Variants in FAM217A observed in about 807,000 individuals in gnomAD.
The protein encoded by FAM217A is family with sequence similarity 217 member A.
FAM217A carries 13 observed loss-of-function variants against 18.5 expected under a neutral mutation model. That is an observed-to-expected ratio of 0.70 (90% CI 0.46 to 1.12). The LOEUF (loss-of-function observed/expected upper bound fraction) is 1.12, where lower values mean the gene tolerates loss of function less well. FAM217A is among the 50% of genes most tolerant of loss of function. FAM217A has a pLI of 0.00. For synonymous variants in FAM217A, 161 were observed against 202.8 expected (o/e 0.79, Z 1.75); for missense variants, 560 against 575.4 (o/e 0.97, Z 0.27).
At chr6:4,083,685 G>A (rs1008242299), upstream of FAM217A, among the ~76,000 whole-genome samples, 4 of 151,804 alleles carry the variant, frequency 2.6e-5, no homozygotes, top group Non-Finnish European at 4.4e-5. Context: ...CCAAGTTGCT[G>A]GGACTACAGG....
upstream of FAM217A, among the ~76,000 whole-genome samples, chr6:4,082,670 C>A (rs1770378010): frequency 6.6e-6 from 1 of 152,246 alleles, no homozygotes; most frequent in Admixed American, 6.5e-5. Flanking sequence ...TGGGTTCCCC[C>A]ACTCAGGCTG....
At position 4,085,311 on chromosome 6, in the gene FAM217A, A is replaced by AAT. The variant is rs10636236; in HGVS notation, c.19-503_19-502dup. Among the ~76,000 whole-genome samples, 125 of 146,438 alleles carry AAT rather than the reference A, an allele frequency of 8.5e-4. 1 individual carries two copies. Among genetic ancestry groups the AAT allele is most frequent in the Middle Eastern group, 3.6e-3 (1 of 276 alleles). The stretch of plus-strand genomic sequence containing the variant: ...AGAAGTGTTATTCATTGTAAAAAAA[A>AAT]ATATATATATATATATAAAATATGT... On this transcript the variant is annotated intron_variant, in intron 1 of 8. Transcript: ENST00000639338.
At chr6:4,075,790 C>CA (rs375715894) in intron 2 of FAM217A, among the ~76,000 whole-genome samples, 204 of 152,244 alleles carry the variant, frequency 1.3e-3, no homozygotes, top group African/African-American at 4.8e-3. Context: ...AAATAAGCTT[C>CA]AATACAGCAT....
chr6:4,073,361 T>C lies in FAM217A; in HGVS notation c.235-19A>G. Reference sequence around the variant, plus strand: ...TACTATTCTGATGACAGAAAAATAATGGGTAATAGTTTAGTAGCTGCATAT... The same window carrying C: ...TACTATTCTGATGACAGAAAAATAACGGGTAATAGTTTAGTAGCTGCATAT... On this transcript the variant is annotated intron_variant, in intron 5 of 6. Transcript: ENST00000274673. 1 of 1,597,864 alleles carries C rather than the reference T, an allele frequency of 6.3e-7. No individual in the cohort carries two copies. The highest frequency in any genetic ancestry group is 2.2e-5 in the East Asian group (1 of 44,580).
chr6:4,068,598 G>T lies in FAM217A; in HGVS notation c.*98C>A. ...AAGCAACTGTTTGGTGATTTTGGGG[G>T]ACTGTTAATAGTACCTGTGTCTTGG... On this transcript the variant is annotated 3_prime_UTR_variant, in exon 7 of 7. Coordinates refer to ENST00000274673, the MANE Select transcript of FAM217A (RefSeq NM_173563.3). 1 of 1,344,074 alleles carries T rather than the reference G, an allele frequency of 7.4e-7. No homozygotes were observed. The highest frequency in any genetic ancestry group is 1.0e-6 in the Non-Finnish European group (1 of 991,434). 83.3% of individuals were successfully genotyped at this position (1,344,074 alleles called of 1,614,324 possible).
intron 1 of FAM217A, among the ~76,000 whole-genome samples, chr6:4,085,254 A>G (rs2113899405): frequency 6.6e-6 from 1 of 151,736 alleles, no homozygotes; most frequent in South Asian, 2.1e-4. Context: ...TAATTACACT[A>G]TAATTAGAGA....
Position 4,069,244 on chromosome 6 carries a change from T to A in FAM217A, c.979A>T (p.Thr327Ser). ...VTERPSSSKA[T>S]PKVRQPKLCD... ...AGTTTTGGCTGTCTCACTTTTGGTG[T>A]AGCTTTGGAGGAAGAGGGTCGTTCA... Residue 327 changes from threonine (T) to serine (S), a missense_variant, in exon 7 of 7, where the codon ACA becomes TCA. Thr to Ser is a moderately conservative substitution (Grantham distance 58). Transcript: ENST00000274673. 1 of 1,614,166 alleles carries A rather than the reference T, an allele frequency of 6.2e-7. No homozygotes were observed.
chr6:4,086,495 A>G (rs917612658), intron 1 of FAM217A, among the ~76,000 whole-genome samples: 6 of 151,970 alleles, frequency 3.9e-5, no homozygotes, highest in African/African-American at 1.4e-4. Context: ...ATATATGCAT[A>G]TATGAATGGA....
intron 4 of FAM217A, 112 bp from the exon 5 acceptor site, chr6:4,073,619 A>G: frequency 1.3e-6 from 1 of 783,968 alleles, no homozygotes; most frequent in Non-Finnish European, 2.0e-6. Context: ...ACTGAATGAC[A>G]CTTTGTTTAT....
upstream of FAM217A, chr6:4,087,263 G>A (rs35304946): frequency 0.075 from 89,690 of 1,200,384 alleles, 3,961 homozygotes; most frequent in African/African-American, 0.18. Context: ...ATGTCCAGAC[G>A]CAAGACTGGA....
In FAM217A at chr6:4,073,342, T is replaced by C. The variant is rs750711612; in HGVS notation, c.235A>G (p.Asn79Asp). ...AATTGAAAGATCCCTTGTTTACTAT[T>C]CTGATGACAGAAAAATAATGGGTAA... ...LSVHSQKSTQ[N>D]SKQGIFQLWN... The change falls in exon 6 of 7, where the codon AAT (asparagine) becomes GAT (aspartate). Residue 79 changes from asparagine to aspartate, a missense_variant and splice_region_variant. Transcript: ENST00000274673. 20 of 1,607,894 alleles carry C rather than the reference T, an allele frequency of 1.2e-5. No homozygotes were observed. The highest frequency in any genetic ancestry group is 8.4e-5 in the Admixed American group (5 of 59,626).
At chr6:4,070,142 TC>T (rs1769307997) in intron 6 of FAM217A, among the ~76,000 whole-genome samples, 1 of 152,200 alleles carries the variant, frequency 6.6e-6, no homozygotes, top group Non-Finnish European at 1.5e-5. Context: ...TAACTGGGCA[TC>T]CCTTTGTGCA....
Position 4,073,312 on chromosome 6 carries a change from T to C in FAM217A, c.265A>G (p.Asn89Asp). 6.2e-7 allele frequency: 1 copy of C among 1,610,176 alleles called. No homozygotes were observed. Among genetic ancestry groups the C allele is most frequent in the South Asian group, 1.1e-5 (1 of 90,204 alleles). ...GTACTTCCTTCATTAAGAGGACAAT[T>C]CCATAATTGAAAGATCCCTTGTTTA... ...NSKQGIFQLW[N>D]CPLNEGSTIE... The change falls in exon 6 of 7, where the codon AAT (asparagine) becomes GAT (aspartate). Residue 89 changes from asparagine to aspartate, a missense_variant. Transcript: ENST00000274673.
chr6:4,080,081 C>A (rs145961819), upstream of FAM217A, among the ~76,000 whole-genome samples: 1 of 152,038 alleles, frequency 6.6e-6, no homozygotes, highest in East Asian at 1.9e-4. Context: ...CAAATGAATA[C>A]TAAACATTTG....
chr6:4,071,672 T>C (rs993439881), intron 6 of FAM217A, among the ~76,000 whole-genome samples: 2 of 152,214 alleles, frequency 1.3e-5, no homozygotes, highest in African/African-American at 4.8e-5. Flanking sequence ...TTTTCCCAGC[T>C]GAGGTTTTTT....
intron 2 of FAM217A, among the ~76,000 whole-genome samples, chr6:4,075,096 C>A (rs1427938541): frequency 6.6e-6 from 1 of 152,126 alleles, no homozygotes; most frequent in Non-Finnish European, 1.5e-5. Context: ...CTTTGGGAGG[C>A]CGGGGCAGGT....
upstream of FAM217A, among the ~76,000 whole-genome samples, chr6:4,082,038 A>T (rs972804566): frequency 1.3e-5 from 2 of 151,798 alleles, no homozygotes; most frequent in Admixed American, 1.3e-4. Context: ...TATCACCCCC[A>T]CTCAACTGGT....
upstream of FAM217A, chr6:4,087,207 C>G (rs1336884707): frequency 6.2e-6 from 5 of 803,112 alleles, no homozygotes. Context: ...CCCCGCTTTC[C>G]CCTCTTCCTT....
intron 2 of FAM217A, among the ~76,000 whole-genome samples, chr6:4,075,375 C>T (rs1223750031): frequency 6.6e-6 from 1 of 152,056 alleles, no homozygotes; most frequent in East Asian, 1.9e-4. Context: ...AAATAAAAGC[C>T]TGTAAAAATC....
Sources: allele counts gnomAD v4.1 joint callset (sites outside exome capture counted in the v4.1 genomes callset), GRCh38; gene constraint gnomAD v4.1.1; transcripts MANE v1.5; gene names NCBI Gene and HGNC (gene_info 2026-07-23, HGNC 2026-07-21).